The following SEPTIN9 variants were observed in gnomAD, a reference collection of about 807,000 sequenced individuals.
SEPTIN9 encodes septin 9.
Under a neutral mutation model 56.6 loss-of-function variants are expected in SEPTIN9, and 13 were observed. The observed-to-expected ratio is 0.23, with a 90% CI of 0.15 to 0.37. The LOEUF is 0.37. SEPTIN9 is among the 10% of genes least tolerant of loss of function. The pLI is 1.00. For missense variants in SEPTIN9, 650 were observed against 823.1 expected, an observed-to-expected ratio of 0.79 and a Z score of 2.57; for synonymous variants, 332 against 334.1, an observed-to-expected ratio of 0.99 and a Z score of 0.07.
At chr17:77,364,864 G>T (rs952746617) in intron 2 of SEPTIN9, among the ~76,000 whole-genome samples, 1 of 152,238 alleles carries the variant, frequency 6.6e-6, no homozygotes, top group African/African-American at 2.4e-5. Context: ...CAGCTTCCAG[G>T]GACAGTCTCA....
At chr17:77,406,379 G>A (rs1474812296) in intron 3 of SEPTIN9, among the ~76,000 whole-genome samples, 2 of 151,618 alleles carry the variant, frequency 1.3e-5, no homozygotes, top group African/African-American at 4.9e-5. Flanking sequence ...TCAAAACCTG[G>A]TCCAAATACC....
At chr17:77,430,445 C>T (rs942162079) in intron 3 of SEPTIN9, among the ~76,000 whole-genome samples, 8 of 152,178 alleles carry the variant, frequency 5.3e-5, no homozygotes, top group Non-Finnish European at 8.8e-5. Context: ...TGACACAAAC[C>T]CTGGCTGAAC....
At chr17:77,431,327 C>CA (rs2037125266) in intron 3 of SEPTIN9, among the ~76,000 whole-genome samples, 1 of 152,110 alleles carries the variant, frequency 6.6e-6, no homozygotes, top group Non-Finnish European at 1.5e-5. Context: ...AAAACACAAA[C>CA]AAAAAACCAA....
At chr17:77,292,279 A>G (rs2031597225) in intron 1 of SEPTIN9, among the ~76,000 whole-genome samples, 1 of 151,884 alleles carries the variant, frequency 6.6e-6, no homozygotes, top group African/African-American at 2.4e-5. Flanking sequence ...CTTCCTCCCC[A>G]TCACCCCTCT....
intron 3 of SEPTIN9, among the ~76,000 whole-genome samples, chr17:77,410,104 G>T (rs940381672): frequency 2.5e-4 from 38 of 152,132 alleles, no homozygotes; most frequent in African/African-American, 7.7e-4. Flanking sequence ...TAACTGACAG[G>T]CTAGAGTAGC....
chr17:77,362,531 C>G (rs976984188), intron 2 of SEPTIN9, among the ~76,000 whole-genome samples: 1 of 152,196 alleles, frequency 6.6e-6, no homozygotes, highest in African/African-American at 2.4e-5. Context: ...TTATTTTGTT[C>G]CCTTATTGAG....
rs2037984124 is a variant in SEPTIN9 at position 77,451,804 on chromosome 17, C to G, written c.722-30340C>G. ...TATCTCTTTGTAAATATTTGGCCAA[C>G]TAAGCTGAGTGGCTAAGTTCTCCTG... On this transcript the variant is annotated intron_variant, in intron 3 of 11. Coordinates refer to ENST00000427177, the MANE Select transcript of SEPTIN9 (RefSeq NM_001113491.2). This position sits in a 1 kb window ranked among gnomAD's most constrained non-coding sequence, Gnocchi z 4.2. 6.6e-6 allele frequency among the ~76,000 whole-genome samples: 1 copy of G among 152,234 alleles called. No individual in the cohort carries two copies. Among genetic ancestry groups the G allele is most frequent in the African/African-American group, 2.4e-5 (1 of 41,464 alleles).
At position 77,434,911 on chromosome 17, in the gene SEPTIN9, A is replaced by G. The variant is rs962702707; in HGVS notation, c.721+32208A>G. Among the ~76,000 whole-genome samples, 3 of 152,122 alleles carry G rather than the reference A, an allele frequency of 2.0e-5. No individual in the cohort carries two copies. Among genetic ancestry groups the G allele is most frequent in the Admixed American group, 6.5e-5 (1 of 15,274 alleles). On this transcript the variant is annotated intron_variant, in intron 3 of 11. Transcript: ENST00000427177. The surrounding 1 kb of genome is among the most constrained non-coding windows in gnomAD (Gnocchi z 5.0). ...GGGAAGAGGGGAAAGGAGGCGCTGC[A>G]GGGGAGCAGAGACCTCACCCTTCCT...
At chr17:77,352,867 G>C (rs1462656330) in intron 2 of SEPTIN9, among the ~76,000 whole-genome samples, 1 of 151,986 alleles carries the variant, frequency 6.6e-6, no homozygotes, top group African/African-American at 2.4e-5. Context: ...GGCCCAGGCT[G>C]GTCTCAAACT....
chr17:77,457,094 G>C (rs953798973), intron 3 of SEPTIN9, among the ~76,000 whole-genome samples: 1 of 152,178 alleles, frequency 6.6e-6, no homozygotes, highest in Non-Finnish European at 1.5e-5. Flanking sequence ...CTTTGCCCCC[G>C]GGGCTGTGTG....
At chr17:77,494,834 C>T (rs1431078771) in intron 10 of SEPTIN9, among the ~76,000 whole-genome samples, 1 of 152,164 alleles carries the variant, frequency 6.6e-6, no homozygotes, top group Non-Finnish European at 1.5e-5. Flanking sequence ...GAGAGGCACA[C>T]GGGCCTTTCC....
intron 1 of SEPTIN9, among the ~76,000 whole-genome samples, chr17:77,287,080 G>C (rs143618666): frequency 1.4e-3 from 212 of 152,368 alleles, no homozygotes; most frequent in African/African-American, 4.9e-3. Flanking sequence ...ACTTTGCTGT[G>C]TGAAGTGGCT....
Position 77,435,037 on chromosome 17 carries a change from C to G in SEPTIN9, c.721+32334C>G, listed in dbSNP as rs1568067013. On this transcript the variant is annotated intron_variant, in intron 3 of 11. Transcript: ENST00000427177. This position sits in a 1 kb window ranked among gnomAD's most constrained non-coding sequence, Gnocchi z 4.5. The stretch of plus-strand genomic sequence containing the variant: ...ACAAGGGCTTCCTGAGGACCCCGAG[C>G]TGTCTTAAGGGCTCTTTACCTGGAG... Among the ~76,000 whole-genome samples the G allele has an allele frequency of 1.3e-5, 2 of 152,168 alleles. No homozygotes were observed. The highest frequency in any genetic ancestry group is 1.3e-4 in the Admixed American group (2 of 15,290).
intron 1 of SEPTIN9, among the ~76,000 whole-genome samples, chr17:77,284,836 G>T (rs934495868): frequency 6.6e-6 from 1 of 152,060 alleles, no homozygotes; most frequent in Non-Finnish European, 1.5e-5. Context: ...CACCATGTTG[G>T]TCAGGCTGAT....
At chr17:77,350,636 T>TGTGTGTGTCC (rs2034028989) in intron 2 of SEPTIN9, among the ~76,000 whole-genome samples, 1 of 152,076 alleles carries the variant, frequency 6.6e-6, no homozygotes, top group Admixed American at 6.6e-5. Context: ...TGTGTGTGTG[T>TGTGTGTGTCC]GTCCCCACAT....
Position 77,320,225 on chromosome 17 carries a change from G to A in SEPTIN9, c.76+13028G>A, listed in dbSNP as rs909292389. 7.5e-6 allele frequency: 12 copies of A among 1,610,052 alleles called. No individual in the cohort carries two copies. In the African/African-American group the frequency reaches 8.0e-5, roughly 11 times the overall value. ...AGTGTTTTTAGAGGAGGAGGAGGAG[G>A]AGGAGGAGGCTGAGAGAGGGAGGGC... On this transcript the variant is annotated intron_variant, in intron 2 of 11. Coordinates refer to ENST00000427177, the MANE Select transcript of SEPTIN9 (RefSeq NM_001113491.2).
intron 3 of SEPTIN9, among the ~76,000 whole-genome samples, chr17:77,415,681 G>A (rs914607945): frequency 9.9e-5 from 15 of 151,876 alleles, no homozygotes; most frequent in African/African-American, 2.9e-4. Context: ...CCCTGTGCCC[G>A]GCACCGAAGC....
rs1291851338 is a variant in SEPTIN9 at position 77,445,098 on chromosome 17, G to C, written c.722-37046G>C. On this transcript the variant is annotated intron_variant, in intron 3 of 11. Transcript: ENST00000427177. The surrounding 1 kb of genome is among the most constrained non-coding windows in gnomAD (Gnocchi z 4.7). ...CTCTGTCCCACCATGCCTGCCTGGG[G>C]ACGGCCTTCACTCGGGCTACTCAGG... The C allele has an allele frequency of 2.2e-6, 1 of 452,068 alleles. No homozygotes were observed. The highest frequency in any genetic ancestry group is 2.0e-5 in the African/African-American group (1 of 49,558). The allele number at this position is 452,068 out of a possible 1,614,324, so 28.0% of individuals were successfully genotyped here.
At chr17:77,348,394 G>T in intron 2 of SEPTIN9, among the ~76,000 whole-genome samples, 1 of 149,414 alleles carries the variant, frequency 6.7e-6, no homozygotes, top group South Asian at 2.1e-4. Flanking sequence ...TGCCTCCTGG[G>T]TTCAAGTGAT....
Sources: gnomAD v4.1 joint callset for allele counts (sites outside exome capture counted in the v4.1 genomes callset) on GRCh38, gnomAD v4.1.1 for gene constraint, Gnocchi (gnomAD v3.1) non-coding constraint, MANE v1.5 for transcripts, NCBI Gene and HGNC (gene_info 2026-07-23, HGNC 2026-07-21) for gene names.